Variants in ASAP3 observed in about 807,000 individuals in gnomAD.
ASAP3 encodes the protein arf-GAP with SH3 domain, ANK repeat and PH domain-containing protein 3.
ASAP3 carries 85 observed loss-of-function variants against 118.2 expected under a neutral mutation model. The observed-to-expected ratio is 0.72, with a 90% confidence interval of 0.60 to 0.86. The LOEUF (loss-of-function observed/expected upper bound fraction) is 0.86. Ranked by LOEUF, ASAP3 falls within the 40% of genes least tolerant of loss-of-function variation. The pLI, the probability that ASAP3 is intolerant of heterozygous loss-of-function variation, is 0.00. For missense variants in ASAP3, 1,026 were observed against 1,175.0 expected (o/e 0.87, Z 1.85); for synonymous variants, 432 against 477.4 (o/e 0.90, Z 1.24).
At chr1:23,456,438 A>G (rs907273600) in intron 1 of ASAP3, among the ~76,000 whole-genome samples, 2 of 152,132 alleles carry the variant, frequency 1.3e-5, no homozygotes, top group African/African-American at 4.8e-5. Context: ...CCTGAATCCA[A>G]TGCAGCGTAA....
At chr1:23,468,870 CAAA>C (rs1172330542) in intron 1 of ASAP3, among the ~76,000 whole-genome samples, 1 of 47,354 alleles carries the variant, frequency 2.1e-5, no homozygotes. Flanking sequence ...GACTCCATCT[CAAA>C]AAAAAAAAAA....
rs762141253 is a variant in ASAP3, at chr1:23,436,679, G to C, written c.1477-25C>G. On this transcript the variant is annotated intron_variant, in intron 15 of 24. Coordinates refer to ENST00000336689, the MANE Select transcript of ASAP3 (RefSeq NM_017707.4). The surrounding 1 kb of genome is among the most constrained non-coding windows in gnomAD (Gnocchi z 4.2). ...GCTGGAGTCGTAGGAAAATAGACGT[G>C]GGGCGGAGTAAGACCGGGCGGTTAA... is the stretch of plus-strand genomic sequence containing the variant. The C allele has an allele frequency of 1.9e-6, 3 of 1,613,482 alleles. No homozygotes were observed. The highest frequency in any genetic ancestry group is 3.3e-5 in the Admixed American group (2 of 60,024).
chr1:23,455,748 A>G (rs1201689135), intron 3 of ASAP3, 133 bp downstream of exon 3: 1 of 1,126,962 alleles, frequency 8.9e-7, no homozygotes, highest in Non-Finnish European at 1.3e-6. Flanking sequence ...CTGGAAAGGG[A>G]CCTCAGGTCT....
intron 1 of ASAP3, among the ~76,000 whole-genome samples, chr1:23,459,063 A>G (rs1641483149): frequency 6.7e-6 from 1 of 149,118 alleles, no homozygotes; most frequent in Non-Finnish European, 1.5e-5. Flanking sequence ...CCAGCTACTC[A>G]GGAGGCTGAG....
At chr1:23,443,639 T>G (rs139817040) in intron 5 of ASAP3, among the ~76,000 whole-genome samples, 1,681 of 152,160 alleles carry the variant, frequency 0.011, 36 homozygotes, top group African/African-American at 0.038. Context: ...CAAGCCATTC[T>G]CATGCCTCAG....
chr1:23,453,503 G>A (rs1182174034), intron 3 of ASAP3, among the ~76,000 whole-genome samples: 1 of 152,166 alleles, frequency 6.6e-6, no homozygotes, highest in Admixed American at 6.5e-5. Context: ...CCACTGAGCA[G>A]AGACAGAGAA....
At chr1:23,442,108 A>G (rs1640892186) in intron 7 of ASAP3, 78 bp downstream of exon 7, 2 of 1,433,714 alleles carry the variant, frequency 1.4e-6, no homozygotes, top group Middle Eastern at 1.7e-4. Context: ...AGAGACTCTC[A>G]GGTCTATCAC....
intron 1 of ASAP3, chr1:23,480,153 C>A (rs980042985): frequency 1.3e-5 from 2 of 152,038 alleles, no homozygotes; most frequent in African/African-American, 4.8e-5. Flanking sequence ...CAGAGTGAGA[C>A]CCTGTCTCAA....
chr1:23,440,885 A>G (rs1459076487), intron 10 of ASAP3, among the ~76,000 whole-genome samples: 3 of 150,334 alleles, frequency 2.0e-5, no homozygotes, highest in African/African-American at 4.9e-5. Context: ...AGTGTTAGCT[A>G]CTGCTATTCT....
rs1640651080 is a variant in ASAP3, at chr1:23,436,295, T to C, written c.1571+265A>G. Among the ~76,000 whole-genome samples, 1 of 152,238 alleles carries C rather than the reference T, an allele frequency of 6.6e-6. No individual in the cohort carries two copies. On this transcript the variant is annotated intron_variant, in intron 16 of 24. Transcript: ENST00000336689. This position sits in a 1 kb window ranked among gnomAD's most constrained non-coding sequence, Gnocchi z 4.2. ...CTAGTGCCTCAACCTCCTGAGTAGC[T>C]GGAATTACAGGCGTGTGCCACCACG...
At chr1:23,452,670 AC>A in intron 4 of ASAP3, 26 bp downstream of exon 4, 1 of 1,606,970 alleles carries the variant, frequency 6.2e-7, no homozygotes, top group Non-Finnish European at 8.5e-7. Context: ...ACTCTGTCCC[AC>A]CACCACTCCC....
At chr1:23,483,157 T>C (rs1182887723) in intron 1 of ASAP3, among the ~76,000 whole-genome samples, 1 of 152,216 alleles carries the variant, frequency 6.6e-6, no homozygotes, top group Non-Finnish European at 1.5e-5. Context: ...GGGTGCCTAG[T>C]ACACTTAAGG....
intron 23 of ASAP3, 92 bp from the exon 24 acceptor site, chr1:23,431,217 G>T: frequency 7.4e-7 from 1 of 1,351,028 alleles, no homozygotes; most frequent in Non-Finnish European, 1.0e-6. Flanking sequence ...CAGTCTGGGG[G>T]CTTAGGATGG....
At position 23,438,672 on chromosome 1, in the gene ASAP3, C is replaced by T. The variant is rs1640758948; in HGVS notation, c.1102+75G>A. 2 of 1,372,822 alleles carry T rather than the reference C, an allele frequency of 1.5e-6. No homozygotes were observed. The highest frequency in any genetic ancestry group is 1.2e-5 in the South Asian group (1 of 83,572). 85.0% of individuals were successfully genotyped at this position (1,372,822 alleles called of 1,614,324 possible). On this transcript the variant is annotated intron_variant, in intron 12 of 24. Transcript: ENST00000336689. The surrounding 1 kb of genome is among the most constrained non-coding windows in gnomAD (Gnocchi z 4.9). Reference sequence around the variant, plus strand: ...CTGGACACAGACCCCTCACTGAAGCCCCCCGGGAGCTGACAGGTGTCTTAG... The same window carrying T: ...CTGGACACAGACCCCTCACTGAAGCTCCCCGGGAGCTGACAGGTGTCTTAG...
At chr1:23,477,548 G>A (rs1297776755) in intron 1 of ASAP3, among the ~76,000 whole-genome samples, 1 of 152,034 alleles carries the variant, frequency 6.6e-6, no homozygotes, top group Non-Finnish European at 1.5e-5. Flanking sequence ...AGGTACAAAT[G>A]TGTGAGTCAC....
chr1:23,436,713 A>G lies in ASAP3; in HGVS notation c.1477-59T>C. The G allele has an allele frequency of 6.2e-7, 1 of 1,603,108 alleles. No individual in the cohort carries two copies. The highest frequency in any genetic ancestry group is 2.2e-5 in the East Asian group (1 of 44,828). On this transcript the variant is annotated intron_variant, in intron 15 of 24. Transcript: ENST00000336689. The surrounding 1 kb of genome is among the most constrained non-coding windows in gnomAD (Gnocchi z 4.2). ...TAAGACCGGGCGGTTAAGCCTGCAT[A>G]GGGTGGAGCTCCAAGCCCCCAGAGT...
chr1:23,454,022 C>T (rs1360701707), intron 3 of ASAP3, among the ~76,000 whole-genome samples: 43 of 152,004 alleles, frequency 2.8e-4, no homozygotes, highest in Non-Finnish European at 1.5e-5. Context: ...TGAACTCAAA[C>T]ACTATTTTTT....
chr1:23,440,485 A>C (rs1640826118), intron 10 of ASAP3, among the ~76,000 whole-genome samples: 1 of 101,114 alleles, frequency 9.9e-6, no homozygotes, highest in Non-Finnish European at 1.8e-5. Flanking sequence ...TGGGTGACGG[A>C]GGGAGACTCC....
At position 23,484,020 on chromosome 1, in the gene ASAP3, C is replaced by T. The variant is rs1642404044; in HGVS notation, c.114G>A (p.Ala38=). 5 of 1,299,154 alleles carry T rather than the reference C, an allele frequency of 3.8e-6. No homozygotes were observed. The highest frequency in any genetic ancestry group is 2.3e-5 in the South Asian group (1 of 43,868). 80.5% of individuals were successfully genotyped at this position (1,299,154 alleles called of 1,614,324 possible). A position where few individuals can be genotyped will look rare whatever the true frequency, so the allele number is the denominator to read the frequency against. Residue 38 remains alanine (A), a synonymous_variant, in exon 1 of 25, where the codon GCG becomes GCA. Transcript: ENST00000336689. ...GCCCCCTCACCTCCTCCCGCGCCAG[C>T]GCCGCCCCTCGGTACCGGGGCATCT... ...AAKMPRYRGA[A]LAREEILEGD... is the part of the protein sequence containing the mutation.
Sources: allele counts gnomAD v4.1 joint callset (sites outside exome capture counted in the v4.1 genomes callset), GRCh38; gene constraint gnomAD v4.1.1; non-coding constraint Gnocchi (gnomAD v3.1); transcripts MANE v1.5; gene names NCBI Gene and HGNC (gene_info 2026-07-23, HGNC 2026-07-21).